The following CTNNA3 variants were observed in gnomAD, a reference collection of about 807,000 sequenced individuals.
CTNNA3 encodes catenin alpha-3.
CTNNA3 carries 76 observed loss-of-function variants against 95.7 expected under a neutral mutation model. The observed-to-expected ratio is 0.79, with a 90% CI of 0.66 to 0.96. The LOEUF (loss-of-function observed/expected upper bound fraction) is 0.96, where lower values mean the gene tolerates loss of function less well. Among genes scored for constraint, CTNNA3 ranks in the 40% least tolerant of loss-of-function variants. The pLI is 0.00. For synonymous variants in CTNNA3, 431 were observed against 374.4 expected, an observed-to-expected ratio of 1.15 and a Z score of -1.74; for missense variants, 1,191 against 1,089.8, an observed-to-expected ratio of 1.09 and a Z score of -1.31.
chr10:67,104,563 C>G (rs1386144446), intron 7 of CTNNA3, among the ~76,000 whole-genome samples: 1 of 151,940 alleles, frequency 6.6e-6, no homozygotes, highest in Admixed American at 6.6e-5. Flanking sequence ...CAGCTATTCA[C>G]AAATGATTCT....
At chr10:66,425,141 T>C in intron 11 of CTNNA3, among the ~76,000 whole-genome samples, 1 of 152,024 alleles carries the variant, frequency 6.6e-6, no homozygotes, top group East Asian at 1.9e-4. Flanking sequence ...GTTTTTGCCT[T>C]AAATTCTTTC....
Position 66,927,466 on chromosome 10 carries a change from G to A in CTNNA3, c.1048-151942C>T. The A allele has an allele frequency of 6.2e-7, 1 of 1,614,084 alleles. No individual in the cohort carries two copies. Among genetic ancestry groups the A allele is most frequent in the Non-Finnish European group, 8.5e-7 (1 of 1,180,036 alleles). On this transcript the variant is annotated intron_variant, in intron 7 of 17. Coordinates refer to ENST00000433211, the MANE Select transcript of CTNNA3 (RefSeq NM_013266.4). This position sits in a 1 kb window ranked among gnomAD's most constrained non-coding sequence, Gnocchi z 4.7. ...AATATTCCAAGACTGCCGCAACCTG[G>A]AACTTTTGGACCTGGGATATAACCG...
chr10:67,708,358 T>G (rs1273911352), intron 1 of CTNNA3, among the ~76,000 whole-genome samples: 1 of 152,180 alleles, frequency 6.6e-6, no homozygotes, highest in Non-Finnish European at 1.5e-5. Flanking sequence ...TATCAATTAA[T>G]CACCATCTCA....
chr10:66,937,004 T>G (rs1325884135), intron 7 of CTNNA3, among the ~76,000 whole-genome samples: 1 of 152,202 alleles, frequency 6.6e-6, no homozygotes, highest in Non-Finnish European at 1.5e-5. Context: ...CCTCAGTATT[T>G]TTCTCAAACA....
chr10:67,065,189 G>C (rs1925578), intron 7 of CTNNA3, among the ~76,000 whole-genome samples: 52,632 of 151,852 alleles, frequency 0.35, 9,636 homozygotes, highest in Middle Eastern at 0.55. Context: ...AGAAAAAAAG[G>C]GTATTTGACA....
At chr10:67,639,666 G>C (rs1205095175) in intron 2 of CTNNA3, among the ~76,000 whole-genome samples, 1 of 152,096 alleles carries the variant, frequency 6.6e-6, no homozygotes, top group East Asian at 1.9e-4. Context: ...CCATGATCTA[G>C]TGGGCTTCAT....
At position 66,048,948 on chromosome 10, in the gene CTNNA3, T is replaced by C. The variant is rs555882135; in HGVS notation, c.2159+20360A>G. On this transcript the variant is annotated intron_variant, in intron 15 of 17. Coordinates refer to ENST00000433211, the MANE Select transcript of CTNNA3 (RefSeq NM_013266.4). ...GCAAAAATTGACAAGTGGGAACTAA[T>C]TAAAATTAAGATATTCTACACAGCA... 2.7e-5 allele frequency among the ~76,000 whole-genome samples: 4 copies of C among 149,714 alleles called. No individual in the cohort carries two copies. The South Asian group carries it at 6.5e-4, about 24-fold the overall frequency.
At chr10:66,077,789 C>T (rs187554439) in intron 14 of CTNNA3, among the ~76,000 whole-genome samples, 1 of 151,646 alleles carries the variant, frequency 6.6e-6, no homozygotes, top group Non-Finnish European at 1.5e-5. Context: ...GATCCTAGCA[C>T]GGCCATATAG....
Position 65,916,232 on chromosome 10 carries a change from T to C in CTNNA3, c.*4098A>G, listed in dbSNP as rs2077006614. 1 of 152,034 alleles carries C rather than the reference T, an allele frequency of 6.6e-6. No homozygotes were observed. The highest frequency in any genetic ancestry group is 6.6e-5 in the Admixed American group (1 of 15,258). 9.4% of individuals were successfully genotyped at this position (152,034 alleles called of 1,614,324 possible). ...ATTAAAATAATATAAAATTATATTC[T>C]TTTTAACTGAAATATTTCTGGCTTT... On this transcript the variant is annotated 3_prime_UTR_variant, in exon 18 of 18. Coordinates refer to ENST00000433211, the MANE Select transcript of CTNNA3 (RefSeq NM_013266.4).
intron 9 of CTNNA3, among the ~76,000 whole-genome samples, chr10:66,726,458 T>C (rs143409045): frequency 1.6e-4 from 24 of 152,228 alleles, no homozygotes; most frequent in African/African-American, 5.8e-4. Flanking sequence ...CTATAACAAT[T>C]GAGATGGTAA....
At chr10:67,693,907 T>A (rs1266916255) in intron 1 of CTNNA3, among the ~76,000 whole-genome samples, 1 of 152,178 alleles carries the variant, frequency 6.6e-6, no homozygotes, top group Non-Finnish European at 1.5e-5. Flanking sequence ...ATGTTTTCCC[T>A]ATAGAAAAAC....
intron 10 of CTNNA3, among the ~76,000 whole-genome samples, chr10:66,563,140 G>T (rs1304566426): frequency 6.6e-6 from 1 of 152,014 alleles, no homozygotes. Flanking sequence ...TAATTGCAAA[G>T]TTAATAATTA....
intron 14 of CTNNA3, among the ~76,000 whole-genome samples, chr10:66,088,912 G>C (rs543904822): frequency 1.7e-4 from 26 of 152,204 alleles, no homozygotes; most frequent in South Asian, 6.2e-4. Context: ...TTGGCCAGGC[G>C]TGGAAAGTGG....
At chr10:66,549,820 T>C (rs564859345) in intron 10 of CTNNA3, among the ~76,000 whole-genome samples, 52 of 152,200 alleles carry the variant, frequency 3.4e-4, no homozygotes, top group Non-Finnish European at 7.1e-4. Context: ...TTTAATTATG[T>C]TGTGGTCAGA....
At chr10:65,928,022 C>T (rs138177661) in intron 17 of CTNNA3, among the ~76,000 whole-genome samples, 2 of 152,238 alleles carry the variant, frequency 1.3e-5, no homozygotes, top group East Asian at 3.9e-4. Context: ...AGAAATGTCA[C>T]TGTTTTGTTT....
rs374358715 is a variant in CTNNA3, at chr10:66,788,800, A to T, written c.1048-13276T>A. On this transcript the variant is annotated intron_variant, in intron 7 of 17. Coordinates refer to ENST00000433211, the MANE Select transcript of CTNNA3 (RefSeq NM_013266.4). ...GAGCACTGAAGGAACAGGCTCAAAT[A>T]GTTTACTCAGGGCCCTTTCACACTC... 1.3e-3 allele frequency among the ~76,000 whole-genome samples: 196 copies of T among 152,266 alleles called. 1 individual carries two copies. The highest frequency in any genetic ancestry group is 4.5e-3 in the African/African-American group (189 of 41,552).
chr10:67,756,008 CA>C (rs1841431236), intron 1 of CTNNA3, among the ~76,000 whole-genome samples: 1 of 152,138 alleles, frequency 6.6e-6, no homozygotes, highest in Admixed American at 6.5e-5. Flanking sequence ...CTCTCATTTG[CA>C]GCAACATGTA....
chr10:66,798,699 TG>T (rs1841308580), intron 7 of CTNNA3, among the ~76,000 whole-genome samples: 1 of 151,674 alleles, frequency 6.6e-6, no homozygotes, highest in Non-Finnish European at 1.5e-5. Context: ...AGTGAAGTGA[TG>T]AAAAAATGAT....
intron 7 of CTNNA3, among the ~76,000 whole-genome samples, chr10:66,848,051 G>A (rs909222856): frequency 4.6e-5 from 7 of 152,118 alleles, no homozygotes; most frequent in African/African-American, 9.7e-5. Context: ...TATATGTGGA[G>A]AAGAACATGG....
Sources: gnomAD v4.1 joint callset for allele counts (sites outside exome capture counted in the v4.1 genomes callset) on GRCh38, gnomAD v4.1.1 for gene constraint, Gnocchi (gnomAD v3.1) non-coding constraint, MANE v1.5 for transcripts, NCBI Gene and HGNC (gene_info 2026-07-23, HGNC 2026-07-21) for gene names.